TMPRSS4: variants seen among roughly 807,000 people sequenced by gnomAD.
TMPRSS4 encodes transmembrane serine protease 4.
In TMPRSS4, 45 loss-of-function variants were observed where a neutral mutation model predicts 56.4. The observed-to-expected ratio is 0.80, with a 90% CI of 0.63 to 1.02. The LOEUF (loss-of-function observed/expected upper bound fraction) is 1.02. Ranked by LOEUF, TMPRSS4 falls within the 50% of genes least tolerant of loss-of-function variation. The probability of loss-of-function intolerance (pLI) is 0.00; values close to 1 mark genes in which losing one functional copy is unlikely to be tolerated. For synonymous variants in TMPRSS4, 205 were observed against 211.0 expected (o/e 0.97, Z 0.25); for missense variants, 546 against 556.7 (o/e 0.98, Z 0.19).
intron 2 of TMPRSS4, 152 bp from the exon 3 acceptor site, chr11:118,098,833 C>T (rs765886081): frequency 1.7e-6 from 1 of 574,344 alleles, no homozygotes; most frequent in Non-Finnish European, 3.1e-6. Flanking sequence ...GAAGCTAAGC[C>T]TAGTCTGCAG....
chr11:118,115,892 G>T (rs984426444), intron 11 of TMPRSS4, among the ~76,000 whole-genome samples: 1 of 152,102 alleles, frequency 6.6e-6, no homozygotes, highest in Admixed American at 6.6e-5. Context: ...GCTACAGAAT[G>T]ATTAGCCCCT....
chr11:118,103,076 G>T, intron 3 of TMPRSS4, 25 bp from the exon 4 acceptor site: 1 of 1,612,844 alleles, frequency 6.2e-7, no homozygotes, highest in African/African-American at 1.3e-5. Flanking sequence ...AGCCCTCTCT[G>T]CCTCTCCCTG....
chr11:118,115,453 A>G, intron 11 of TMPRSS4, 173 bp downstream of exon 11: 2 of 725,056 alleles, frequency 2.8e-6, no homozygotes, highest in Non-Finnish European at 4.4e-6. Flanking sequence ...ATAAAAGTGT[A>G]CCAATAGATG....
Position 118,077,156 on chromosome 11 carries a change from T to G in TMPRSS4, c.-147T>G. On this transcript the variant is annotated 5_prime_UTR_variant, in exon 1 of 13. Coordinates refer to ENST00000437212, the MANE Select transcript of TMPRSS4 (RefSeq NM_019894.4). ...GGGCGTGAGGGACCAAGGCCTGCCCTGCACTCGGGCCTCCTCCAGCCAGTG... is the reference window on the plus strand; with the variant it reads ...GGGCGTGAGGGACCAAGGCCTGCCCGGCACTCGGGCCTCCTCCAGCCAGTG... 1 of 904,222 alleles carries G rather than the reference T, an allele frequency of 1.1e-6. No homozygotes were observed. Among genetic ancestry groups the G allele is most frequent in the Non-Finnish European group, 1.7e-6 (1 of 605,114 alleles). The allele number at this position is 904,222 out of a possible 1,614,324, so 56.0% of individuals were successfully genotyped here. A position where few individuals can be genotyped will look rare whatever the true frequency, so the allele number is the denominator to read the frequency against.
intron 1 of TMPRSS4, among the ~76,000 whole-genome samples, chr11:118,090,805 C>CACACACACACACACAA (rs1491419232): frequency 4.9e-5 from 7 of 141,456 alleles, no homozygotes; most frequent in African/African-American, 8.3e-5. Flanking sequence ...CTCACTCTGT[C>CACACACACACACACAA]ACACACACAC....
At chr11:118,109,771 T>G (rs1381084746) in intron 7 of TMPRSS4, among the ~76,000 whole-genome samples, 4 of 152,156 alleles carry the variant, frequency 2.6e-5, no homozygotes, top group African/African-American at 4.8e-5. Flanking sequence ...CCTCTGCAAT[T>G]TAGGAGTGTA....
chr11:118,119,230 G>A lies in TMPRSS4; in HGVS notation c.*1317G>A, dbSNP rs2135476996. ...TGGGAGCAATACACTAAAATCTTGG[G>A]TCGAGACCTATATGAAGGCTGGCAG... On this transcript the variant is annotated 3_prime_UTR_variant, in exon 13 of 13. Transcript: ENST00000437212. The A allele has an allele frequency of 3.0e-6, 3 of 985,410 alleles. 1 individual carries two copies. Among genetic ancestry groups the A allele is most frequent in the Middle Eastern group, 1.0e-3 (2 of 1,914 alleles). 61.0% of individuals were successfully genotyped at this position (985,410 alleles called of 1,614,324 possible).
intron 5 of TMPRSS4, among the ~76,000 whole-genome samples, chr11:118,105,276 A>C (rs1249817541): frequency 6.6e-6 from 1 of 152,246 alleles, no homozygotes; most frequent in Non-Finnish European, 1.5e-5. Flanking sequence ...CCCCATCTTC[A>C]GCAATCCCAG....
At chr11:118,112,903 T>G (rs924448318) in intron 8 of TMPRSS4, among the ~76,000 whole-genome samples, 1 of 150,560 alleles carries the variant, frequency 6.6e-6, no homozygotes, top group Admixed American at 6.6e-5. Flanking sequence ...CACTAAGCTG[T>G]GCCTGGCATT....
At chr11:118,114,951 A>G in intron 10 of TMPRSS4, 24 bp downstream of exon 10, 1 of 1,580,024 alleles carries the variant, frequency 6.3e-7, no homozygotes, top group Non-Finnish European at 8.6e-7. Flanking sequence ...GCAGGACCAC[A>G]GGGCAGGAGA....
At chr11:118,108,031 C>T in intron 6 of TMPRSS4, 156 bp downstream of exon 6, 1 of 605,400 alleles carries the variant, frequency 1.7e-6, no homozygotes, top group Non-Finnish European at 2.9e-6. Context: ...ATGCCAAGAG[C>T]TATAGACTCA....
chr11:118,105,326 T>A (rs1433952099), intron 5 of TMPRSS4, among the ~76,000 whole-genome samples: 2 of 152,060 alleles, frequency 1.3e-5, no homozygotes, highest in Non-Finnish European at 2.9e-5. Flanking sequence ...AAATCTGGAG[T>A]GGATGAAAAG....
chr11:118,093,494 C>A (rs1217135409), intron 1 of TMPRSS4, among the ~76,000 whole-genome samples: 1 of 152,208 alleles, frequency 6.6e-6, no homozygotes, highest in Non-Finnish European at 1.5e-5. Flanking sequence ...AAAGGGCCTG[C>A]ATTTTTTTGT....
chr11:118,096,932 GAAAGA>G (rs1565422897), intron 2 of TMPRSS4, among the ~76,000 whole-genome samples: 3 of 78,886 alleles, frequency 3.8e-5, no homozygotes, highest in South Asian at 4.0e-4. Context: ...AGGAAAGAAA[GAAAGA>G]GAAAGAAAGA....
intron 1 of TMPRSS4, among the ~76,000 whole-genome samples, chr11:118,079,087 G>A (rs1456742121): frequency 1.3e-5 from 2 of 152,080 alleles, no homozygotes; most frequent in East Asian, 1.9e-4. Flanking sequence ...ACTGGTGGAG[G>A]GGTCAGGTCA....
At chr11:118,110,754 G>A (rs1565436985) in intron 7 of TMPRSS4, among the ~76,000 whole-genome samples, 2 of 152,152 alleles carry the variant, frequency 1.3e-5, no homozygotes, top group East Asian at 3.9e-4. Flanking sequence ...AGAATCTAAC[G>A]CCACCTCTGA....
Position 118,077,311 on chromosome 11 carries a change from T to C in TMPRSS4, c.3+6T>C. On this transcript the variant is annotated splice_donor_region_variant and intron_variant, in intron 1 of 12. Transcript: ENST00000437212. Reference sequence around the variant, plus strand: ...AGGATCACAGAGCCAGCATGGTGAGTGTGGGGCCCTCTGCTCCCAAGACAC... The same window carrying C: ...AGGATCACAGAGCCAGCATGGTGAGCGTGGGGCCCTCTGCTCCCAAGACAC... The C allele has an allele frequency of 6.3e-7, 1 of 1,599,428 alleles. No individual in the cohort carries two copies. The highest frequency in any genetic ancestry group is 8.5e-7 in the Non-Finnish European group (1 of 1,172,996).
chr11:118,097,715 TC>T lies in TMPRSS4; in HGVS notation c.44-1267del, dbSNP rs200923038. ...GGCAGTGATAAGCTCCTACCTGGTC[TC>T]CCTAACCCCAGACTCTTTTGTTCCA... On this transcript the variant is annotated intron_variant, in intron 2 of 12. Transcript: ENST00000437212. Among the ~76,000 whole-genome samples, 1,016 of 152,310 alleles carry T rather than the reference TC, an allele frequency of 6.7e-3. 13 individuals are homozygous for T. Among genetic ancestry groups the T allele is most frequent in the African/African-American group, 0.022 (916 of 41,570 alleles).
chr11:118,090,118 A>G (rs1192140694), intron 1 of TMPRSS4, among the ~76,000 whole-genome samples: 2 of 152,202 alleles, frequency 1.3e-5, no homozygotes, highest in African/African-American at 4.8e-5. Context: ...CTGGGATTAC[A>G]GGTGTAAGCC....
Sources: gnomAD v4.1 joint callset for allele counts (sites outside exome capture counted in the v4.1 genomes callset) on GRCh38, gnomAD v4.1.1 for gene constraint, MANE v1.5 for transcripts, NCBI Gene and HGNC (gene_info 2026-07-23, HGNC 2026-07-21) for gene names.